FBXL13: variants seen among roughly 807,000 people sequenced by gnomAD.
FBXL13 encodes F-box and leucine-rich repeat protein 13.
A neutral mutation model predicts 83.6 loss-of-function variants in FBXL13; 67 were observed. The observed-to-expected ratio is 0.80, with a 90% CI of 0.66 to 0.98. The LOEUF (loss-of-function observed/expected upper bound fraction) is 0.98. Ranked by LOEUF, FBXL13 falls within the 50% of genes least tolerant of loss-of-function variation. The pLI is 0.00. For synonymous variants in FBXL13, 272 were observed against 299.5 expected (o/e 0.91, Z 0.95); for missense variants, 822 against 866.5 (o/e 0.95, Z 0.64).
intron 6 of FBXL13, among the ~76,000 whole-genome samples, chr7:102,993,190 G>A (rs903287149): frequency 1.3e-5 from 2 of 152,180 alleles, no homozygotes; most frequent in African/African-American, 4.8e-5. Context: ...ACTGACCCCT[G>A]AGGTTATCAA....
chr7:103,035,367 G>A (rs2129490187), intron 2 of FBXL13, among the ~76,000 whole-genome samples: 1 of 152,344 alleles, frequency 6.6e-6, no homozygotes, highest in Admixed American at 6.5e-5. Flanking sequence ...CTTGTGTTAT[G>A]AAGACAGGAG....
intron 2 of FBXL13, among the ~76,000 whole-genome samples, chr7:103,047,345 G>A (rs566721021): frequency 6.6e-6 from 1 of 152,158 alleles, no homozygotes; most frequent in East Asian, 1.9e-4. Context: ...TAGCCTTCCT[G>A]GTCTTCCATG....
At chr7:102,846,506 C>G (rs1803981686) in intron 17 of FBXL13, among the ~76,000 whole-genome samples, 1 of 149,182 alleles carries the variant, frequency 6.7e-6, no homozygotes, top group Non-Finnish European at 1.5e-5. Flanking sequence ...GTAATCCCAG[C>G]TACTTGGAAG....
chr7:102,968,169 C>T lies in FBXL13; in HGVS notation c.496-52G>A, dbSNP rs1053358386. ...TTGAAAAATGTGAACTTTGATGTAA[C>T]TTGTCCACTTACCTTTTGTCTGTGT... On this transcript the variant is annotated intron_variant, in intron 6 of 19. Coordinates refer to ENST00000313221, the Ensembl canonical transcript of FBXL13. 4.9e-6 allele frequency: 6 copies of T among 1,235,850 alleles called. No individual in the cohort carries two copies. The South Asian group carries it at 7.3e-5, about 15-fold the overall frequency. 76.6% of individuals were successfully genotyped at this position (1,235,850 alleles called of 1,614,324 possible).
chr7:102,882,157 A>G (rs1424812391), intron 14 of FBXL13, among the ~76,000 whole-genome samples: 5 of 152,170 alleles, frequency 3.3e-5, no homozygotes, highest in Non-Finnish European at 7.3e-5. Context: ...GCTACTTGGG[A>G]GGCTGAGGCA....
intron 10 of FBXL13, among the ~76,000 whole-genome samples, chr7:102,921,451 G>A (rs991512566): frequency 4.6e-5 from 7 of 152,058 alleles, no homozygotes; most frequent in African/African-American, 1.7e-4. Context: ...AGGCCGAAGT[G>A]GGTGGATCAC....
intron 6 of FBXL13, among the ~76,000 whole-genome samples, chr7:102,983,505 CA>C (rs1328427338): frequency 6.6e-6 from 1 of 150,742 alleles, no homozygotes; most frequent in African/African-American, 2.5e-5. Flanking sequence ...CAGAAAACCC[CA>C]CTTCCCAGGT....
intron 1 of FBXL13, chr7:103,074,174 G>T: frequency 1.1e-6 from 1 of 938,728 alleles, no homozygotes; most frequent in Non-Finnish European, 1.3e-6. Context: ...AAAGGTCTCA[G>T]CTTCCACTCT....
intron 8 of FBXL13, among the ~76,000 whole-genome samples, chr7:102,946,910 G>T (rs141511771): frequency 4.0e-5 from 6 of 151,700 alleles, no homozygotes; most frequent in Non-Finnish European, 7.4e-5. Flanking sequence ...TCTTGACCTC[G>T]GGTGATCTGC....
At chr7:103,046,752 T>C (rs956515635) in intron 2 of FBXL13, 1 of 152,224 alleles carries the variant, frequency 6.6e-6, no homozygotes. Flanking sequence ...CGGGAAAAGC[T>C]GTTTACATCA....
At chr7:103,010,131 G>C (rs1346366168) in intron 6 of FBXL13, among the ~76,000 whole-genome samples, 1 of 151,896 alleles carries the variant, frequency 6.6e-6, no homozygotes, top group Admixed American at 6.6e-5. Context: ...GTATGAACTC[G>C]AATGGAGGGC....
In FBXL13 at chr7:102,954,013, G is replaced by A. The variant is rs116807733; in HGVS notation, c.724+9520C>T. ...CCGGTCTGCAGCTCTCAACATGATCGACGCAGAAGACGGGTGATTTCTGCA... is the reference window on the plus strand; with the variant it reads ...CCGGTCTGCAGCTCTCAACATGATCAACGCAGAAGACGGGTGATTTCTGCA... On this transcript the variant is annotated intron_variant, in intron 8 of 19. Transcript: ENST00000313221. Among the ~76,000 whole-genome samples the A allele has an allele frequency of 3.7e-3, 569 of 152,282 alleles. 5 individuals carry two copies. Among genetic ancestry groups the A allele is most frequent in the African/African-American group, 0.014 (562 of 41,558 alleles).
rs191247226 is a variant in FBXL13 at position 103,033,348 on chromosome 7, T to A, written c.1-3930A>T. ...GCTCCTATGAGGCACACAGCACTAT[T>A]TGTGCAATACAAAGTGAAGGAAAGG... On this transcript the variant is annotated intron_variant, in intron 2 of 19. Coordinates refer to ENST00000313221, the Ensembl canonical transcript of FBXL13. 5.4e-3 allele frequency among the ~76,000 whole-genome samples: 829 copies of A among 152,270 alleles called. 10 individuals are homozygous for A. The highest frequency in any genetic ancestry group is 0.019 in the African/African-American group (785 of 41,566).
chr7:102,958,358 G>A (rs962653256), intron 8 of FBXL13, among the ~76,000 whole-genome samples: 2 of 151,800 alleles, frequency 1.3e-5, no homozygotes, highest in East Asian at 3.9e-4. Context: ...AACACAGGGC[G>A]GGGAACATCA....
chr7:102,891,782 A>G (rs1478464778), intron 11 of FBXL13, among the ~76,000 whole-genome samples: 1 of 152,218 alleles, frequency 6.6e-6, no homozygotes, highest in East Asian at 1.9e-4. Flanking sequence ...CTGCACAATG[A>G]CTCAGAGCTG....
intron 8 of FBXL13, 76 bp downstream of exon 9, chr7:102,963,457 A>C (rs1825599396): frequency 1.3e-6 from 2 of 1,555,712 alleles, no homozygotes; most frequent in East Asian, 2.3e-5. Context: ...TTTCCTTTTT[A>C]ATCTATGCTT....
Position 102,891,665 on chromosome 7 carries a change from T to TA in FBXL13, c.1009-7354dup, listed in dbSNP as rs201764270. 3.8e-3 allele frequency among the ~76,000 whole-genome samples: 584 copies of TA among 151,738 alleles called. 5 individuals are homozygous for TA. The highest frequency in any genetic ancestry group is 0.014 in the African/African-American group (570 of 41,406). On this transcript the variant is annotated intron_variant, in intron 11 of 19. Transcript: ENST00000313221. ...ATAAAAACACTGGACAACCAAACAT[T>TA]AAAAAAAAATTAATTTTCCAGTGTG...
At chr7:103,015,356 T>C (rs1053040414) in intron 6 of FBXL13, among the ~76,000 whole-genome samples, 12 of 151,996 alleles carry the variant, frequency 7.9e-5, no homozygotes, top group Non-Finnish European at 1.6e-4. Flanking sequence ...AATCAGGCAA[T>C]AGAAAGAAAT....
intron 8 of FBXL13, among the ~76,000 whole-genome samples, chr7:102,940,266 A>G (rs1328108165): frequency 1.3e-5 from 2 of 149,432 alleles, no homozygotes; most frequent in East Asian, 2.0e-4. Context: ...CTGGAGTGCA[A>G]TGGTGCAATC....
Sources: allele counts gnomAD v4.1 joint callset (sites outside exome capture counted in the v4.1 genomes callset), GRCh38; gene constraint gnomAD v4.1.1; transcripts MANE v1.5; gene names NCBI Gene and HGNC (gene_info 2026-07-23, HGNC 2026-07-21).